RBM20: variants seen among roughly 807,000 people sequenced by gnomAD.
RBM20 encodes RNA-binding protein 20.
A neutral mutation model predicts 110.1 loss-of-function variants in RBM20; 51 were observed. That is an observed-to-expected ratio of 0.46 (90% confidence interval 0.37 to 0.59). RBM20 has a LOEUF of 0.59. RBM20 is among the 20% of genes least tolerant of loss of function. RBM20 has a pLI of 0.00. For missense variants in RBM20, 1,512 were observed against 1,574.9 expected (o/e 0.96, Z 0.68); for synonymous variants, 589 against 618.2 (o/e 0.95, Z 0.70).
chr10:110,805,700 G>A (rs1330121971), intron 7 of RBM20, among the ~76,000 whole-genome samples: 2 of 152,180 alleles, frequency 1.3e-5, no homozygotes, highest in African/African-American at 4.8e-5. Context: ...GCTCTTCCTG[G>A]GTTGAGATTC....
intron 12 of RBM20, among the ~76,000 whole-genome samples, chr10:110,827,540 C>T (rs74158134): frequency 0.061 from 9,215 of 152,160 alleles, 499 homozygotes; most frequent in African/African-American, 0.15. Context: ...AATCTGATTC[C>T]CTGAGTTTAA....
chr10:110,783,234 G>T (rs1363634317), intron 2 of RBM20, 132 bp from the exon 3 acceptor site: 3 of 656,024 alleles, frequency 4.6e-6, no homozygotes, highest in Non-Finnish European at 8.6e-6. Flanking sequence ...AAGGGTGGAG[G>T]GATGTGTCTG....
chr10:110,819,558 G>C (rs1209486431), intron 9 of RBM20, among the ~76,000 whole-genome samples: 1 of 152,180 alleles, frequency 6.6e-6, no homozygotes, highest in Non-Finnish European at 1.5e-5. Context: ...AGGAGGAAAG[G>C]GAGTGTTAGT....
intron 4 of RBM20, 85 bp downstream of exon 4, chr10:110,784,517 C>A: frequency 1.0e-6 from 1 of 998,346 alleles, no homozygotes; most frequent in Non-Finnish European, 1.6e-6. Flanking sequence ...ATAACCAGGA[C>A]TTCCCTGATG....
At chr10:110,790,868 A>T (rs1433877479) in intron 5 of RBM20, among the ~76,000 whole-genome samples, 2 of 152,188 alleles carry the variant, frequency 1.3e-5, no homozygotes, top group Admixed American at 1.3e-4. Flanking sequence ...TTGGCCACAG[A>T]TTAAGATCCT....
At chr10:110,777,146 A>T (rs1326013353) in intron 1 of RBM20, among the ~76,000 whole-genome samples, 2 of 152,194 alleles carry the variant, frequency 1.3e-5, no homozygotes, top group African/African-American at 2.4e-5. Flanking sequence ...GAAATACAAG[A>T]TTCTCCAAGA....
Position 110,644,724 on chromosome 10 carries a change from C to G in RBM20, c.191+79C>G. On this transcript the variant is annotated intron_variant, in intron 1 of 13. Transcript: ENST00000369519. This position sits in a 1 kb window ranked among gnomAD's most constrained non-coding sequence, Gnocchi z 4.3. ...AGAGCCCCCTTTGTGGCTTCATTTC[C>G]CGTCCCTGCTGAACTTCGCTCGCCC... The G allele has an allele frequency of 8.8e-7, 1 of 1,131,198 alleles. No homozygotes were observed. The highest frequency in any genetic ancestry group is 1.8e-5 in the South Asian group (1 of 56,878). The allele number at this position is 1,131,198 out of a possible 1,614,324, so 70.1% of individuals were successfully genotyped here.
At chr10:110,684,792 A>G (rs986086649) in intron 1 of RBM20, among the ~76,000 whole-genome samples, 4 of 152,230 alleles carry the variant, frequency 2.6e-5, no homozygotes, top group African/African-American at 9.6e-5. Flanking sequence ...AGACTTTGTC[A>G]CCATGTGTTT....
In RBM20 at chr10:110,805,604, C is replaced by T. The variant is rs573321012; in HGVS notation, c.1801-4779C>T. On this transcript the variant is annotated intron_variant, in intron 7 of 13. Coordinates refer to ENST00000369519, the MANE Select transcript of RBM20 (RefSeq NM_001134363.3). The stretch of plus-strand genomic sequence containing the variant: ...ATGCCAGATGGGCCTCATTAACCCA[C>T]CTTCACTGGTGGAGAAAGTGAGTTT... 2.6e-5 allele frequency among the ~76,000 whole-genome samples: 4 copies of T among 152,366 alleles called. No homozygotes were observed. The South Asian group carries it at 8.3e-4, about 32-fold the overall frequency.
chr10:110,764,781 G>A (rs1432817632), intron 1 of RBM20, among the ~76,000 whole-genome samples: 1 of 152,220 alleles, frequency 6.6e-6, no homozygotes. Flanking sequence ...TTCGATAGCC[G>A]CAGGTCAGCC....
intron 1 of RBM20, among the ~76,000 whole-genome samples, chr10:110,652,108 G>A: frequency 6.6e-6 from 1 of 152,164 alleles, no homozygotes; most frequent in Middle Eastern, 3.2e-3. Context: ...CATAAACCAT[G>A]TGTAGGTATA....
intron 13 of RBM20, 166 bp from the exon 14 acceptor site, chr10:110,835,702 T>G: frequency 1.8e-6 from 1 of 558,664 alleles, no homozygotes; most frequent in Non-Finnish European, 3.1e-6. Context: ...GTACTTAGCA[T>G]AAGTTCTGTA....
intron 11 of RBM20, 31 bp from the exon 12 acceptor site, chr10:110,823,449 T>TCC: frequency 7.6e-7 from 1 of 1,309,834 alleles, no homozygotes; most frequent in Middle Eastern, 2.2e-4. Context: ...TTTTTTTTTT[T>TCC]TTTTTTTTTG....
intron 1 of RBM20, among the ~76,000 whole-genome samples, chr10:110,681,438 G>T (rs1259539482): frequency 2.6e-5 from 4 of 152,180 alleles, no homozygotes; most frequent in Non-Finnish European, 5.9e-5. Context: ...ATTTGTAAAG[G>T]CAGTATTGGT....
intron 1 of RBM20, among the ~76,000 whole-genome samples, chr10:110,738,043 G>A (rs1843689833): frequency 6.6e-6 from 1 of 152,170 alleles, no homozygotes; most frequent in African/African-American, 2.4e-5. Context: ...TGAGGCATTG[G>A]GAATAGTAAG....
At chr10:110,792,137 A>G (rs1004718855) in intron 5 of RBM20, among the ~76,000 whole-genome samples, 22 of 128,240 alleles carry the variant, frequency 1.7e-4, no homozygotes, top group African/African-American at 6.9e-4. Flanking sequence ...ATCTTCCTCT[A>G]TCTGTCTATC....
chr10:110,810,511 C>CAGA, intron 8 of RBM20, 49 bp downstream of exon 8: 2 of 1,325,758 alleles, frequency 1.5e-6, no homozygotes, highest in South Asian at 2.5e-5. Flanking sequence ...GCAGTGGGAA[C>CAGA]AGACTCCTGT....
At position 110,821,861 on chromosome 10, in the gene RBM20, C is replaced by T. The variant is rs1268330519; in HGVS notation, c.3242C>T (p.Pro1081Leu). 3.9e-6 allele frequency: 6 copies of T among 1,551,702 alleles called. No homozygotes were observed. Among genetic ancestry groups the T allele is most frequent in the Non-Finnish European group, 5.2e-6 (6 of 1,146,998 alleles). ...GAAGATGGGGCTTGTGAAGGCAGCCCCCTGGAGGAGAAAGCCAGCCCCCCC... is the reference window on the plus strand; with the variant it reads ...GAAGATGGGGCTTGTGAAGGCAGCCTCCTGGAGGAGAAAGCCAGCCCCCCC... Reference protein sequence around the residue: ...TPEDGACEGSPLEEKASPPIE... With the variant: ...TPEDGACEGSLLEEKASPPIE... The change falls in exon 11 of 14, where the codon CCC (proline) becomes CTC (leucine). Residue 1081 changes from proline to leucine, a missense_variant. Pro to Leu is a moderately conservative substitution (Grantham distance 98). Transcript: ENST00000369519.
intron 1 of RBM20, among the ~76,000 whole-genome samples, chr10:110,679,466 C>A (rs1862389645): frequency 6.6e-6 from 1 of 152,162 alleles, no homozygotes; most frequent in South Asian, 2.1e-4. Context: ...AGCAATCCTC[C>A]TGCCTCACCC....
Sources: allele counts gnomAD v4.1 joint callset (sites outside exome capture counted in the v4.1 genomes callset), GRCh38; gene constraint gnomAD v4.1.1; non-coding constraint Gnocchi (gnomAD v3.1); transcripts MANE v1.5; gene names NCBI Gene and HGNC (gene_info 2026-07-23, HGNC 2026-07-21).